Variants in NAALADL2 observed in about 807,000 individuals in gnomAD.
NAALADL2 encodes the protein inactive N-acetylated-alpha-linked acidic dipeptidase-like protein 2.
A neutral mutation model predicts 87.2 loss-of-function variants in NAALADL2; 76 were observed. That is an observed-to-expected ratio of 0.87 (90% CI 0.72 to 1.05). The LOEUF (loss-of-function observed/expected upper bound fraction) is 1.05, where lower values mean the gene tolerates loss of function less well. Ranked by LOEUF, NAALADL2 falls within the 50% of genes least tolerant of loss-of-function variation. NAALADL2 has a pLI of 0.00. For missense variants in NAALADL2, 1,089 were observed against 945.8 expected (o/e 1.15, Z -1.99); for synonymous variants, 354 against 331.0 (o/e 1.07, Z -0.75).
intron 4 of NAALADL2, among the ~76,000 whole-genome samples, chr3:175,286,984 G>C (rs552904663): frequency 6.6e-6 from 1 of 150,832 alleles, no homozygotes; most frequent in African/African-American, 2.4e-5. Flanking sequence ...GGTGGGGGTG[G>C]AGGGGTGTGG....
rs527480060 is a variant in NAALADL2, at chr3:174,913,132, GTAT to G, written c.43+53686_43+53688del. 7.9e-5 allele frequency among the ~76,000 whole-genome samples: 12 copies of G among 152,178 alleles called. No individual in the cohort carries two copies. The East Asian group carries it at 2.3e-3, about 29-fold the overall frequency. On this transcript the variant is annotated intron_variant, in intron 1 of 13. Coordinates refer to ENST00000454872, the MANE Select transcript of NAALADL2 (RefSeq NM_207015.3). Reference sequence around the variant, plus strand: ...TTAATGACAGACTGGATAAAATATAGTATTATGACTTATTGGTATGAAAAAAGT... The same window carrying G: ...TTAATGACAGACTGGATAAAATATAGTATGACTTATTGGTATGAAAAAAGT...
At chr3:175,136,642 T>C (rs1010915590) in intron 2 of NAALADL2, among the ~76,000 whole-genome samples, 1 of 152,142 alleles carries the variant, frequency 6.6e-6, no homozygotes, top group African/African-American at 2.4e-5. Context: ...TTTTTTTCTT[T>C]CTGAAGATGC....
chr3:175,478,548 C>T lies in NAALADL2; in HGVS notation c.1653+6790C>T, dbSNP rs938634116. ...TAAAACTCCAATTTTCAGAAGGCAG[C>T]TGATTTATATATTAGGACTATGTAA... On this transcript the variant is annotated intron_variant, in intron 9 of 13. Transcript: ENST00000454872. 5.9e-5 allele frequency among the ~76,000 whole-genome samples: 9 copies of T among 151,868 alleles called. 1 individual carries two copies. The East Asian group carries it at 1.7e-3, about 29-fold the overall frequency.
intron 4 of NAALADL2, among the ~76,000 whole-genome samples, chr3:175,280,050 T>A (rs979343728): frequency 6.6e-6 from 1 of 151,968 alleles, no homozygotes; most frequent in African/African-American, 2.4e-5. Flanking sequence ...AAAAACAGTT[T>A]TAAATATACC....
intron 2 of NAALADL2, among the ~76,000 whole-genome samples, chr3:175,131,154 CTT>C (rs757205472): frequency 1.5e-5 from 2 of 130,806 alleles, no homozygotes; most frequent in Non-Finnish European, 3.3e-5. Flanking sequence ...GTATTTTATT[CTT>C]TTTTTTTTTT....
intron 5 of NAALADL2, among the ~76,000 whole-genome samples, chr3:175,325,237 T>A (rs956406715): frequency 1.3e-5 from 2 of 152,218 alleles, no homozygotes; most frequent in African/African-American, 2.4e-5. Flanking sequence ...ACTTTACCAA[T>A]TAATTAGCAA....
intron 1 of NAALADL2, among the ~76,000 whole-genome samples, chr3:175,023,536 G>A (rs1160224659): frequency 6.6e-6 from 1 of 151,884 alleles, no homozygotes; most frequent in African/African-American, 2.4e-5. Context: ...TCTCAAAAAG[G>A]GGAAAGCTTA....
chr3:175,412,959 C>T (rs952341727), intron 5 of NAALADL2, among the ~76,000 whole-genome samples: 1 of 143,736 alleles, frequency 7.0e-6, no homozygotes. Flanking sequence ...CTGTCTGTCG[C>T]CTAGGCTGGA....
intron 5 of NAALADL2, among the ~76,000 whole-genome samples, chr3:175,350,975 A>C (rs1333384510): frequency 1.3e-5 from 2 of 152,148 alleles, no homozygotes; most frequent in Non-Finnish European, 1.5e-5. Context: ...ATGATTTTAT[A>C]ATTACCAACA....
Position 175,325,034 on chromosome 3 carries a change from A to G in NAALADL2, c.1090+709A>G, listed in dbSNP as rs567498974. Among the ~76,000 whole-genome samples the G allele has an allele frequency of 2.0e-5, 3 of 152,276 alleles. No individual in the cohort carries two copies. The South Asian group carries it at 6.2e-4, about 32-fold the overall frequency. ...TGTTCATTCAACCTGGCTGAGGAAA[A>G]AGCTCTTTGAATCTTCTTGCAGGGT... is the stretch of plus-strand genomic sequence containing the variant. On this transcript the variant is annotated intron_variant, in intron 5 of 13. Transcript: ENST00000454872.
intron 2 of NAALADL2, among the ~76,000 whole-genome samples, chr3:175,223,735 C>A (rs1314559844): frequency 6.6e-6 from 1 of 152,046 alleles, no homozygotes; most frequent in Non-Finnish European, 1.5e-5. Context: ...AGAAAGATGT[C>A]AAATAGGAGC....
chr3:174,659,409 A>G (rs1398261131), intron 2 of NAALADL2, among the ~76,000 whole-genome samples: 1 of 152,220 alleles, frequency 6.6e-6, no homozygotes, highest in Non-Finnish European at 1.5e-5. Flanking sequence ...TGCTACGTGT[A>G]TTTGAAAGAT....
At chr3:174,663,779 ATTTCTTTTTTT>A (rs771088205) in intron 2 of NAALADL2, among the ~76,000 whole-genome samples, 131 of 136,250 alleles carry the variant, frequency 9.6e-4, no homozygotes, top group Non-Finnish European at 1.6e-3. Flanking sequence ...TATTCACTGG[ATTTCTTTTTTT>A]TTTCTTTTTT....
intron 1 of NAALADL2, among the ~76,000 whole-genome samples, chr3:175,015,611 G>C (rs751649614): frequency 3.2e-4 from 48 of 152,076 alleles, no homozygotes; most frequent in Non-Finnish European, 5.6e-4. Context: ...TATTAAATAT[G>C]ATGTGTTTCA....
chr3:175,161,944 AT>A (rs888377154), intron 2 of NAALADL2, among the ~76,000 whole-genome samples: 7 of 151,960 alleles, frequency 4.6e-5, no homozygotes, highest in African/African-American at 1.4e-4. Flanking sequence ...CATTTTAACA[AT>A]TTTTTTACAC....
At chr3:174,996,928 C>T (rs1747540016) in intron 1 of NAALADL2, among the ~76,000 whole-genome samples, 2 of 151,234 alleles carry the variant, frequency 1.3e-5, no homozygotes, top group African/African-American at 4.9e-5. Context: ...TAATGGCCTC[C>T]ATCTCCATCT....
At chr3:175,526,868 G>C (rs991130012) in intron 9 of NAALADL2, among the ~76,000 whole-genome samples, 1 of 152,018 alleles carries the variant, frequency 6.6e-6, no homozygotes, top group African/African-American at 2.4e-5. Context: ...TCAGAAATTA[G>C]AGCATTTAGC....
chr3:174,819,701 G>T (rs1223313148), intron 3 of NAALADL2, among the ~76,000 whole-genome samples: 1 of 151,974 alleles, frequency 6.6e-6, no homozygotes, highest in East Asian at 1.9e-4. Flanking sequence ...TATAATTTTT[G>T]TATGAAGGTA....
In NAALADL2 at chr3:175,001,151, G is replaced by T. The variant is rs564259940; in HGVS notation, c.44-95639G>T. Among the ~76,000 whole-genome samples, 3 of 152,298 alleles carry T rather than the reference G, an allele frequency of 2.0e-5. No individual in the cohort carries two copies. The South Asian group carries it at 6.2e-4, about 32-fold the overall frequency. On this transcript the variant is annotated intron_variant, in intron 1 of 13. Transcript: ENST00000454872. ...TTGGCCACTATGTCAGTAGCCCCCAGTTCCTTGATTCCAGTGCTTTTCAAA... is the reference window on the plus strand; with the variant it reads ...TTGGCCACTATGTCAGTAGCCCCCATTTCCTTGATTCCAGTGCTTTTCAAA...
Sources: allele counts gnomAD v4.1 joint callset (sites outside exome capture counted in the v4.1 genomes callset), GRCh38; gene constraint gnomAD v4.1.1; transcripts MANE v1.5; gene names NCBI Gene and HGNC (gene_info 2026-07-23, HGNC 2026-07-21).